Variants in PCSK4 observed in about 807,000 individuals in gnomAD.
PCSK4 encodes the protein proprotein convertase subtilisin/kexin type 4.
A neutral mutation model predicts 80.3 loss-of-function variants in PCSK4; 64 were observed. The observed-to-expected ratio is 0.80, with a 90% confidence interval of 0.65 to 0.98. The LOEUF is 0.98. Among genes scored for constraint, PCSK4 ranks in the 50% least tolerant of loss-of-function variants. The pLI is 0.00. For synonymous variants in PCSK4, 561 were observed against 487.6 expected (o/e 1.15, Z -1.98); for missense variants, 1,213 against 1,093.6 (o/e 1.11, Z -1.54).
intron 5 of PCSK4, 30 bp from the exon 6 acceptor site, chr19:1,487,721 C>G: frequency 6.5e-7 from 1 of 1,549,732 alleles, no homozygotes; most frequent in Non-Finnish European, 8.7e-7. Context: ...GGGCTCCTGT[C>G]ACGGCCTCCA....
exon 15 of PCSK4, chr19:1,481,846 C>A (rs2084307205): frequency 1.3e-6 from 2 of 1,571,892 alleles, no homozygotes; most frequent in South Asian, 1.2e-5. Flanking sequence ...GGTCCATGGA[C>A]ATGCCGCAGA....
At chr19:1,483,889 G>A in exon 10 of PCSK4, 1 of 1,492,490 alleles carries the variant, frequency 6.7e-7, no homozygotes, top group Non-Finnish European at 8.9e-7. Flanking sequence ...AGGTGCGCCG[G>A]CTTGGACGCG....
rs1599257555 is a variant in PCSK4 at position 1,490,088 on chromosome 19, C to A, written c.189+70G>T. The A allele has an allele frequency of 3.2e-6, 5 of 1,577,918 alleles. No individual in the cohort carries two copies. The East Asian group carries it at 1.2e-4, about 37-fold the overall frequency. ...TAGAAGACCTTGTGGGCTCCCTCCC[C>A]CTTGTCGGGGTCTAGGGTTGTTCAG... On this transcript the variant is annotated intron_variant, in intron 1 of 14. Coordinates refer to ENST00000300954, the Ensembl canonical transcript of PCSK4.
chr19:1,489,012 C>T lies in PCSK4; in HGVS notation c.295-732G>A, dbSNP rs532344655. ...GGGCTTCCCAGGCTCCATCCCAACC[C>T]CTCAGCTTGACATCCCAGGCATTTT... On this transcript the variant is annotated intron_variant, in intron 2 of 14. Transcript: ENST00000300954. 2.0e-5 allele frequency among the ~76,000 whole-genome samples: 3 copies of T among 152,334 alleles called. No homozygotes were observed. In the South Asian group the frequency reaches 6.2e-4, roughly 32 times the overall value.
At chr19:1,490,208 G>C (rs764495998) in exon 1 of PCSK4, 12 of 1,613,264 alleles carry the variant, frequency 7.4e-6, no homozygotes, top group Non-Finnish European at 9.3e-6. Context: ...TCGACCTCCC[G>C]GTTACCCTGG....
chr19:1,485,672 T>C (rs546628619), intron 8 of PCSK4, among the ~76,000 whole-genome samples: 163 of 151,006 alleles, frequency 1.1e-3, no homozygotes, highest in African/African-American at 3.6e-3. Flanking sequence ...GAGATCGAGA[T>C]CATCCTGGCT....
Position 1,488,179 on chromosome 19 carries a change from C to A in PCSK4, c.387+9G>T. ...CGTCCCCGTCTACCCACCCTGGCTG[C>A]CTGCTCACCATGTACCACTGCTTGG... On this transcript the variant is annotated intron_variant, in intron 3 of 14. Transcript: ENST00000300954. The A allele has an allele frequency of 1.2e-6, 2 of 1,613,550 alleles. No homozygotes were observed. Among genetic ancestry groups the A allele is most frequent in the Non-Finnish European group, 1.7e-6 (2 of 1,179,856 alleles).
At chr19:1,481,864 G>T (rs2084308153) in exon 15 of PCSK4, 2 of 1,584,824 alleles carry the variant, frequency 1.3e-6, no homozygotes, top group Non-Finnish European at 1.7e-6. Flanking sequence ...AGAGGACGGG[G>T]CCTCCGAGGG....
chr19:1,483,498 C>A (rs1280098892), intron 11 of PCSK4, 35 bp from the exon 12 acceptor site: 1 of 1,474,188 alleles, frequency 6.8e-7, no homozygotes, highest in African/African-American at 1.4e-5. Context: ...CCTCCTGCGG[C>A]CTGCTGGGGG....
At position 1,490,406 on chromosome 19, in the gene PCSK4, G is replaced by T. The variant is rs918780010; in HGVS notation, c.-60C>A. Reference sequence around the variant, plus strand: ...CCTCCCTCCCGCCAAACCGCCGAGTGGGCCCAGGCGTCCGACCCGCCCCCG... The same window carrying T: ...CCTCCCTCCCGCCAAACCGCCGAGTTGGCCCAGGCGTCCGACCCGCCCCCG... On this transcript the variant is annotated 5_prime_UTR_variant, in exon 1 of 15. Coordinates refer to ENST00000300954, the Ensembl canonical transcript of PCSK4. The T allele has an allele frequency of 3.0e-5, 20 of 667,250 alleles. No homozygotes were observed. In the African/African-American group the frequency reaches 3.9e-4, roughly 13 times the overall value. 41.3% of individuals were successfully genotyped at this position (667,250 alleles called of 1,614,324 possible). A position where few individuals can be genotyped will look rare whatever the true frequency, so the allele number is the denominator to read the frequency against.
exon 15 of PCSK4, chr19:1,481,764 T>G (rs772647240): frequency 6.6e-7 from 1 of 1,508,076 alleles, no homozygotes; most frequent in South Asian, 1.3e-5. Flanking sequence ...CAACTTCAGG[T>G]TCCAGCTGGC....
rs376723408 is a variant in PCSK4 at position 1,489,907 on chromosome 19, T to C, written c.190-10A>G. The C allele has an allele frequency of 6.3e-7, 1 of 1,598,866 alleles. No individual in the cohort carries two copies. The highest frequency in any genetic ancestry group is 2.3e-5 in the East Asian group (1 of 43,952). ...GCCCGTCAGGGAAGATCTGGGGATG[T>C]GGGGAAGCGGCCGCACCGATGGGAC... is the stretch of plus-strand genomic sequence containing the variant. On this transcript the variant is annotated splice_polypyrimidine_tract_variant and intron_variant, in intron 1 of 14. Coordinates refer to ENST00000300954, the Ensembl canonical transcript of PCSK4.
chr19:1,488,256 G>T, exon 3 of PCSK4: 5 of 1,613,392 alleles, frequency 3.1e-6, no homozygotes, highest in Non-Finnish European at 3.4e-6. Flanking sequence ...CGCCGCTGCA[G>T]CGTCTGCTGC....
intron 8 of PCSK4, among the ~76,000 whole-genome samples, chr19:1,485,005 G>A (rs945337392): frequency 1.3e-5 from 2 of 151,828 alleles, no homozygotes; most frequent in African/African-American, 4.8e-5. Flanking sequence ...AGAATTAGCT[G>A]GGTGTGGTAG....
At chr19:1,483,715 G>A (rs1299990807) in exon 11 of PCSK4, 16 of 1,595,864 alleles carry the variant, frequency 1.0e-5, no homozygotes, top group African/African-American at 1.3e-5. Flanking sequence ...AGGTGCGGGC[G>A]GTGTCCACCA....
Position 1,483,771 on chromosome 19 carries a change from C to A in PCSK4, c.1274-4G>T. 1 of 1,577,152 alleles carries A rather than the reference C, an allele frequency of 6.3e-7. No individual in the cohort carries two copies. Among genetic ancestry groups the A allele is most frequent in the Non-Finnish European group, 8.6e-7 (1 of 1,169,502 alleles). Reference sequence around the variant, plus strand: ...CCGTATCCGTAGTGATGGCTCACTGCGCGGAAGGGCAGCAGTCACTCGCCC... The same window carrying A: ...CCGTATCCGTAGTGATGGCTCACTGAGCGGAAGGGCAGCAGTCACTCGCCC... On this transcript the variant is annotated splice_region_variant and splice_polypyrimidine_tract_variant and intron_variant, in intron 10 of 14. Coordinates refer to ENST00000300954, the Ensembl canonical transcript of PCSK4.
chr19:1,482,123 G>A (rs866366871), exon 15 of PCSK4: 2 of 1,555,008 alleles, frequency 1.3e-6, no homozygotes, highest in East Asian at 2.4e-5. Context: ...AGGCCCAGCG[G>A]TCACCAGCCT....
chr19:1,487,697 G>A lies in PCSK4; in HGVS notation c.594-6C>T, dbSNP rs200763437. On this transcript the variant is annotated splice_region_variant and splice_polypyrimidine_tract_variant and intron_variant, in intron 5 of 14. Transcript: ENST00000300954. ...CAGCACAGCGGGTCCCGTGCCTGGT[G>A]CCAGGGCCAAGAGGGGCTCCTGTCA... 3.6e-5 allele frequency: 56 copies of A among 1,553,288 alleles called. No homozygotes were observed. The highest frequency in any genetic ancestry group is 4.7e-5 in the Non-Finnish European group (54 of 1,148,686).
In PCSK4 at chr19:1,483,645, C is replaced by A; in HGVS notation, c.1391+5G>T. 6.3e-7 allele frequency: 1 copy of A among 1,579,958 alleles called. No individual in the cohort carries two copies. The highest frequency in any genetic ancestry group is 8.6e-7 in the Non-Finnish European group (1 of 1,167,950). On this transcript the variant is annotated splice_donor_5th_base_variant and intron_variant, in intron 11 of 14. Coordinates refer to ENST00000300954, the Ensembl canonical transcript of PCSK4. ...GGATAGCGGAGGGGCGCGCAGGGGTCTCACGTGGGGCGGCTCTGGACCCGG... is the reference window on the plus strand; with the variant it reads ...GGATAGCGGAGGGGCGCGCAGGGGTATCACGTGGGGCGGCTCTGGACCCGG...
Sources: gnomAD v4.1 joint callset for allele counts (sites outside exome capture counted in the v4.1 genomes callset) on GRCh38, gnomAD v4.1.1 for gene constraint, MANE v1.5 for transcripts, NCBI Gene and HGNC (gene_info 2026-07-23, HGNC 2026-07-21) for gene names.